Variants in INTS14 observed in about 807,000 individuals in gnomAD.
The protein encoded by INTS14 is UPF0464 protein C15orf44.
A neutral mutation model predicts 56.9 loss-of-function variants in INTS14; 27 were observed. The ratio of observed to expected loss-of-function variants is 0.47; its 90% confidence interval spans 0.35 to 0.65. INTS14 has a LOEUF of 0.65. Ranked by LOEUF, INTS14 falls within the 30% of genes least tolerant of loss-of-function variation. INTS14 has a pLI of 0.00. For synonymous variants in INTS14, 207 were observed against 236.2 expected (o/e 0.88, Z 1.13); for missense variants, 517 against 632.2 (o/e 0.82, Z 1.95).
Position 65,579,239 on chromosome 15 carries a change from C to A in INTS14, c.*169G>T. ...TAAAGCCCAACCAGCCAACCACCTT[C>A]ACATCCTTCTCATACTAGTAGAGTC... is the stretch of plus-strand genomic sequence containing the variant. On this transcript the variant is annotated 3_prime_UTR_variant, in exon 12 of 12. Coordinates refer to ENST00000313182, the MANE Select transcript of INTS14 (RefSeq NM_001394796.1). 1.1e-6 allele frequency: 1 copy of A among 936,076 alleles called. No individual in the cohort carries two copies. The highest frequency in any genetic ancestry group is 1.6e-6 in the Non-Finnish European group (1 of 643,920). The allele number at this position is 936,076 out of a possible 1,614,324, so 58.0% of individuals were successfully genotyped here.
intron 1 of INTS14, among the ~76,000 whole-genome samples, chr15:65,609,357 A>G (rs545166081): frequency 5.3e-5 from 8 of 152,230 alleles, no homozygotes; most frequent in African/African-American, 1.9e-4. Context: ...GAAGAAACTG[A>G]AAGTTCCTGA....
intron 3 of INTS14, among the ~76,000 whole-genome samples, chr15:65,602,651 C>T (rs1035686742): frequency 1.1e-4 from 17 of 152,056 alleles, no homozygotes; most frequent in Admixed American, 9.8e-4. Flanking sequence ...CCAGTAAACA[C>T]CACCTCTACT....
chr15:65,581,622 T>C (rs1304139937), intron 11 of INTS14, among the ~76,000 whole-genome samples: 1 of 150,686 alleles, frequency 6.6e-6, no homozygotes, highest in Non-Finnish European at 1.5e-5. Context: ...CATACATTGG[T>C]TGCCTGGGGT....
chr15:65,586,315 C>T (rs1357736876), intron 9 of INTS14: 1 of 152,246 alleles, frequency 6.6e-6, no homozygotes, highest in Non-Finnish European at 1.5e-5. Context: ...AACTAAGGCA[C>T]AGAGAGGTTG....
At position 65,579,482 on chromosome 15, in the gene INTS14, C is replaced by T. The variant is rs1406942868; in HGVS notation, c.1483G>A (p.Glu495Lys). 4 of 1,614,252 alleles carry T rather than the reference C, an allele frequency of 2.5e-6. No individual in the cohort carries two copies. The highest frequency in any genetic ancestry group is 1.7e-5 in the Admixed American group (1 of 60,028). ...QLKLASTGTS[E>K]YAAYDQNITP... ...ATGTTCTGGTCATAAGCGGCATACT[C>T]AGAGGTGCCGGTACTGGCCAGCTTG... Residue 495 changes from glutamate to lysine, a missense_variant, in exon 12 of 12, where the codon GAG (glutamate) becomes AAG (lysine). Coordinates refer to ENST00000313182, the MANE Select transcript of INTS14 (RefSeq NM_001394796.1).
chr15:65,610,466 C>T (rs1366430651), intron 1 of INTS14, among the ~76,000 whole-genome samples: 1 of 151,534 alleles, frequency 6.6e-6, no homozygotes, highest in Non-Finnish European at 1.5e-5. Context: ...CACCCCCACC[C>T]CCTTCCCACG....
Position 65,579,147 on chromosome 15 carries a change from A to T in INTS14, c.*261T>A. 2.4e-6 allele frequency: 1 copy of T among 414,704 alleles called. No individual in the cohort carries two copies. The highest frequency in any genetic ancestry group is 4.3e-6 in the Non-Finnish European group (1 of 232,054). 25.7% of individuals were successfully genotyped at this position (414,704 alleles called of 1,614,324 possible). On this transcript the variant is annotated 3_prime_UTR_variant, in exon 12 of 12. Transcript: ENST00000313182. ...TGCTCATCAGTCATTCAAGCTTCTC[A>T]GGAAATGTGCCCATCATGGGAACAG...
intron 6 of INTS14, among the ~76,000 whole-genome samples, chr15:65,597,798 A>G (rs184136495): frequency 1.3e-5 from 2 of 152,310 alleles, no homozygotes; most frequent in Admixed American, 1.3e-4. Context: ...CATCTCAAAG[A>G]TTTCAATGCT....
At chr15:65,609,111 G>A (rs1203314895) in intron 1 of INTS14, among the ~76,000 whole-genome samples, 1 of 152,094 alleles carries the variant, frequency 6.6e-6, no homozygotes, top group Non-Finnish European at 1.5e-5. Flanking sequence ...GTAGAGATGG[G>A]GTTTCACCAC....
chr15:65,609,064 C>A (rs750965511), intron 1 of INTS14, among the ~76,000 whole-genome samples: 1 of 152,114 alleles, frequency 6.6e-6, no homozygotes, highest in Admixed American at 6.6e-5. Flanking sequence ...GGACTACAGG[C>A]GCGTGTCACC....
At chr15:65,585,881 C>T (rs2072801447) in intron 9 of INTS14, among the ~76,000 whole-genome samples, 1 of 152,132 alleles carries the variant, frequency 6.6e-6, no homozygotes, top group African/African-American at 2.4e-5. Context: ...CTTTGTCAAC[C>T]CTCTTCAGCC....
At chr15:65,605,912 AT>A (rs1445687985) in intron 2 of INTS14, among the ~76,000 whole-genome samples, 11 of 152,202 alleles carry the variant, frequency 7.2e-5, no homozygotes, top group Admixed American at 6.5e-4. Context: ...TTTAAAAAAA[AT>A]TTTTTAAGTC....
At chr15:65,607,007 G>T in intron 2 of INTS14, 152 bp downstream of exon 2, 1 of 928,560 alleles carries the variant, frequency 1.1e-6, no homozygotes, top group Non-Finnish European at 1.6e-6. Flanking sequence ...AAGACCTACT[G>T]GTTGTGAATT....
At chr15:65,581,248 C>G (rs2072598646) in intron 11 of INTS14, among the ~76,000 whole-genome samples, 1 of 150,544 alleles carries the variant, frequency 6.6e-6, no homozygotes, top group Non-Finnish European at 1.5e-5. Context: ...GGCATGGTGG[C>G]ACACACCTGT....
rs553390700 is a variant in INTS14 at position 65,591,480 on chromosome 15, G to A, written c.1120+118C>T. 355 of 1,357,850 alleles carry A rather than the reference G, an allele frequency of 2.6e-4. 1 individual carries two copies. Among genetic ancestry groups the A allele is most frequent in the Non-Finnish European group, 2.4e-4 (246 of 1,004,708 alleles). 84.1% of individuals were successfully genotyped at this position (1,357,850 alleles called of 1,614,324 possible). Reference sequence around the variant, plus strand: ...TCACCGTACACATCCAGCATCATCCGAGACCATGGCATACCAGTAAGGGAG... The same window carrying A: ...TCACCGTACACATCCAGCATCATCCAAGACCATGGCATACCAGTAAGGGAG... On this transcript the variant is annotated intron_variant, in intron 9 of 11. Transcript: ENST00000313182.
chr15:65,592,304 A>C (rs1315831223), intron 8 of INTS14, among the ~76,000 whole-genome samples: 1 of 152,224 alleles, frequency 6.6e-6, no homozygotes, highest in Non-Finnish European at 1.5e-5. Flanking sequence ...GCAGAAATGG[A>C]GCCATGCTTC....
At chr15:65,603,087 G>A (rs2073500849) in intron 3 of INTS14, among the ~76,000 whole-genome samples, 1 of 152,132 alleles carries the variant, frequency 6.6e-6, no homozygotes, top group East Asian at 1.9e-4. Context: ...TCACTATAAT[G>A]TTAGGAAATA....
Position 65,598,324 on chromosome 15 carries a change from T to C in INTS14, c.745A>G (p.Thr249Ala), listed in dbSNP as rs769103361. Reference protein sequence around the residue: ...EIDPIPKVINTDLEIVGFIDI... With the variant: ...EIDPIPKVINADLEIVGFIDI... Reference sequence around the variant, plus strand: ...ATAAGTTTTTTTAAAAAGTTACCTGTGTTAATGACTTTAGGGATAGGATCA... The same window carrying C: ...ATAAGTTTTTTTAAAAAGTTACCTGCGTTAATGACTTTAGGGATAGGATCA... The change falls in exon 6 of 12, where the codon ACA becomes GCA. Residue 249 changes from threonine (T) to alanine (A), a missense_variant. Transcript: ENST00000313182. The C allele has an allele frequency of 9.3e-6, 15 of 1,612,008 alleles. No homozygotes were observed. The highest frequency in any genetic ancestry group is 1.7e-4 in the Middle Eastern group (1 of 6,050).
Position 65,610,281 on chromosome 15 carries a change from C to T in INTS14, c.-63+817G>A, listed in dbSNP as rs1176216752. Among the ~76,000 whole-genome samples, 3 of 152,290 alleles carry T rather than the reference C, an allele frequency of 2.0e-5. No individual in the cohort carries two copies. The East Asian group carries it at 5.8e-4, about 29-fold the overall frequency. ...GGCTGAAATAGGAGAATTGCTTGAA[C>T]CCAGGAGGCAGAGGTTGCAGTGAGC... is the stretch of plus-strand genomic sequence containing the variant. On this transcript the variant is annotated intron_variant, in intron 1 of 11. Coordinates refer to ENST00000313182, the MANE Select transcript of INTS14 (RefSeq NM_001394796.1).
Sources: gnomAD v4.1 joint callset for allele counts (sites outside exome capture counted in the v4.1 genomes callset) on GRCh38, gnomAD v4.1.1 for gene constraint, MANE v1.5 for transcripts, NCBI Gene and HGNC (gene_info 2026-07-23, HGNC 2026-07-21) for gene names.